OPHN1: variants seen among roughly 807,000 people sequenced by gnomAD.
OPHN1 encodes oligophrenin 1, also known as oligophrenin-1.
In OPHN1, 11 loss-of-function variants were observed where a neutral mutation model predicts 60.7. That is an observed-to-expected ratio of 0.18 (90% CI 0.11 to 0.30). The LOEUF (loss-of-function observed/expected upper bound fraction) is 0.30. OPHN1 is among the 10% of genes least tolerant of loss of function. The pLI is 1.00. For missense variants in OPHN1, 449 were observed against 611.0 expected (o/e 0.73, Z 2.80); for synonymous variants, 226 against 222.6 (o/e 1.02, Z -0.14).
chrX:68,418,655 G>GC (rs968013508), intron 2 of OPHN1, among the ~76,000 whole-genome samples: 5 of 111,831 alleles, frequency 4.5e-5, no homozygotes, highest in African/African-American at 1.3e-4. Flanking sequence ...ATCCCAACTT[G>GC]CCACACACTA....
chrX:68,377,941 T>C (rs1229609002), intron 2 of OPHN1, among the ~76,000 whole-genome samples: 2 of 112,104 alleles, frequency 1.8e-5, no homozygotes, highest in Non-Finnish European at 3.8e-5. Flanking sequence ...TTTGGGTATA[T>C]ACCCAGTAAT....
intron 15 of OPHN1, among the ~76,000 whole-genome samples, chrX:68,140,808 G>T (rs2077239485): frequency 9.0e-6 from 1 of 110,775 alleles, no homozygotes; most frequent in African/African-American, 3.3e-5. Flanking sequence ...AGTGGTTGGG[G>T]ATGCAAGCTG....
At chrX:68,165,254 T>C (rs2077352715) in intron 15 of OPHN1, among the ~76,000 whole-genome samples, 1 of 112,264 alleles carries the variant, frequency 8.9e-6, no homozygotes, top group Admixed American at 9.5e-5. Flanking sequence ...TTGACTATTT[T>C]GCACAAGAGA....
At chrX:68,153,804 G>A (rs944340201) in intron 15 of OPHN1, among the ~76,000 whole-genome samples, 7 of 111,606 alleles carry the variant, frequency 6.3e-5, no homozygotes, top group Non-Finnish European at 1.1e-4. Context: ...CTGAGACCCC[G>A]TGATTCCTTC....
chrX:68,071,703 C>G, intron 20 of OPHN1: 2 of 514,366 alleles, frequency 3.9e-6, no homozygotes, highest in Non-Finnish European at 7.1e-6. Flanking sequence ...GAAGTCCACT[C>G]TCATAATGAC....
At chrX:68,258,726 C>T (rs145934143) in intron 5 of OPHN1, among the ~76,000 whole-genome samples, 2,636 of 110,125 alleles carry the variant, frequency 0.024, 80 homozygotes, top group African/African-American at 0.083. Flanking sequence ...ATTGCTTGAG[C>T]AAAGGGGTTT....
At chrX:68,116,663 C>T (rs1248149467) in intron 16 of OPHN1, among the ~76,000 whole-genome samples, 1 of 111,576 alleles carries the variant, frequency 9.0e-6, no homozygotes. Flanking sequence ...TAATATTGTG[C>T]CCTGATTTCT....
chrX:68,267,684 G>C (rs1366897806), intron 5 of OPHN1, among the ~76,000 whole-genome samples: 9 of 112,357 alleles, frequency 8.0e-5, no homozygotes, highest in Non-Finnish European at 1.5e-4. Flanking sequence ...ATGAAGATCA[G>C]AGCAGAACTG....
chrX:68,150,925 T>G lies in OPHN1; in HGVS notation c.1277-31593A>C, dbSNP rs376660677. ...ATTTATTAATTCACATTGGCAGAACTTATTGAAATATACATGTCTCTCTAT... is the reference window on the plus strand; with the variant it reads ...ATTTATTAATTCACATTGGCAGAACGTATTGAAATATACATGTCTCTCTAT... On this transcript the variant is annotated intron_variant, in intron 15 of 24. Transcript: ENST00000355520. Among the ~76,000 whole-genome samples, 106 of 112,216 alleles carry G rather than the reference T, an allele frequency of 9.4e-4. No homozygotes were observed. The Middle Eastern group carries it at 0.032, about 34-fold the overall frequency.
intron 15 of OPHN1, among the ~76,000 whole-genome samples, chrX:68,163,986 A>T (rs896089969): frequency 1.4e-4 from 16 of 111,824 alleles, no homozygotes; most frequent in African/African-American, 2.6e-4. Context: ...AACATTTTTT[A>T]AAAAACTCCT....
At chrX:68,397,294 AGT>A in intron 2 of OPHN1, among the ~76,000 whole-genome samples, 1 of 110,754 alleles carries the variant, frequency 9.0e-6, no homozygotes, top group African/African-American at 3.3e-5. Context: ...GGATTCCCAG[AGT>A]TACAAAACAG....
Position 68,173,492 on chromosome X carries a change from G to T in OPHN1, c.1276+19427C>A, listed in dbSNP as rs763627979. ...ATCTGCCAGTATAAAATAATTTCTG[G>T]TGAGAAAGACACTTGTTCACACCTC... On this transcript the variant is annotated intron_variant, in intron 15 of 24. Coordinates refer to ENST00000355520, the MANE Select transcript of OPHN1 (RefSeq NM_002547.3). Among the ~76,000 whole-genome samples, 3 of 111,125 alleles carry T rather than the reference G, an allele frequency of 2.7e-5. No homozygotes were observed. In the South Asian group the frequency reaches 1.1e-3, roughly 43 times the overall value.
intron 5 of OPHN1, among the ~76,000 whole-genome samples, chrX:68,239,168 C>T (rs1171124818): frequency 1.5e-4 from 5 of 32,546 alleles, no homozygotes. Context: ...TGACCGCCCT[C>T]GGCTGAACTC....
chrX:68,093,563 TG>T, intron 19 of OPHN1, among the ~76,000 whole-genome samples: 1 of 111,387 alleles, frequency 9.0e-6, no homozygotes, highest in Admixed American at 9.6e-5. Flanking sequence ...ATCCAGTTTT[TG>T]TGTACCCTTG....
intron 2 of OPHN1, among the ~76,000 whole-genome samples, chrX:68,414,804 A>G (rs2147780344): frequency 8.9e-6 from 1 of 111,901 alleles, no homozygotes; most frequent in African/African-American, 3.2e-5. Context: ...CATTACCATT[A>G]CTTGCTGATG....
chrX:68,287,381 T>C (rs966828621), intron 3 of OPHN1, among the ~76,000 whole-genome samples: 1 of 103,193 alleles, frequency 9.7e-6, no homozygotes, highest in African/African-American at 3.6e-5. Flanking sequence ...CAGTGACTCA[T>C]GCCTTTAATC....
intron 2 of OPHN1, among the ~76,000 whole-genome samples, chrX:68,334,684 T>C (rs1286583059): frequency 9.0e-6 from 1 of 111,279 alleles, no homozygotes; most frequent in African/African-American, 3.3e-5. Context: ...ATAATAAATA[T>C]GAAATTCCTG....
chrX:68,070,728 G>A (rs1220348623), intron 20 of OPHN1: 2 of 1,118,952 alleles, frequency 1.8e-6, no homozygotes, highest in African/African-American at 1.8e-5. Context: ...GGTTCCCTGG[G>A]CAAAAGCTTC....
chrX:68,357,401 C>A (rs868137720), intron 2 of OPHN1, among the ~76,000 whole-genome samples: 4 of 108,208 alleles, frequency 3.7e-5, no homozygotes, highest in Admixed American at 2.0e-4. Context: ...ATCCCTCCCC[C>A]CTGCCCCCAC....
Sources: gnomAD v4.1 joint callset for allele counts (sites outside exome capture counted in the v4.1 genomes callset) on GRCh38, gnomAD v4.1.1 for gene constraint, MANE v1.5 for transcripts, NCBI Gene and HGNC (gene_info 2026-07-23, HGNC 2026-07-21) for gene names.